SOAT1: variants seen among roughly 807,000 people sequenced by gnomAD.
The protein encoded by SOAT1 is sterol O-acyltransferase 1.
In SOAT1, 55 loss-of-function variants were observed where a neutral mutation model predicts 69.5. The ratio of observed to expected loss-of-function variants is 0.79; its 90% confidence interval spans 0.64 to 0.99. The LOEUF (loss-of-function observed/expected upper bound fraction) is 0.99, where lower values mean the gene tolerates loss of function less well. Among genes scored for constraint, SOAT1 ranks in the 50% least tolerant of loss-of-function variants. The pLI is 0.00. For missense variants in SOAT1, 580 were observed against 669.3 expected, an observed-to-expected ratio of 0.87 and a Z score of 1.47; for synonymous variants, 231 against 224.7, an observed-to-expected ratio of 1.03 and a Z score of -0.25.
intron 3 of SOAT1, among the ~76,000 whole-genome samples, chr1:179,324,218 G>T (rs767985884): frequency 3.3e-5 from 5 of 152,094 alleles, no homozygotes; most frequent in Non-Finnish European, 7.4e-5. Flanking sequence ...AAATATTTTT[G>T]TAATCATATT....
intron 3 of SOAT1, among the ~76,000 whole-genome samples, chr1:179,333,434 G>T (rs1666036907): frequency 6.6e-6 from 1 of 151,904 alleles, no homozygotes; most frequent in African/African-American, 2.4e-5. Flanking sequence ...GGGCACAGTG[G>T]CTCACACCTG....
intron 3 of SOAT1, among the ~76,000 whole-genome samples, chr1:179,324,259 C>A (rs1665704498): frequency 6.6e-6 from 1 of 152,270 alleles, no homozygotes; most frequent in East Asian, 1.9e-4. Flanking sequence ...TATTTATACT[C>A]ACTTTGATGT....
Position 179,293,861 on chromosome 1 carries a change from C to G in SOAT1, c.-84C>G, listed in dbSNP as rs1365633296. On this transcript the variant is annotated 5_prime_UTR_variant, in exon 1 of 16. Transcript: ENST00000367619. ...AGGAGAGCTTCCCGGAGTCGACCTTCCTGCTGGCTGCTCTGTGACCGCTTC... is the reference window on the plus strand; with the variant it reads ...AGGAGAGCTTCCCGGAGTCGACCTTGCTGCTGGCTGCTCTGTGACCGCTTC... 1 of 152,612 alleles carries G rather than the reference C, an allele frequency of 6.6e-6. No individual in the cohort carries two copies. Among genetic ancestry groups the G allele is most frequent in the Non-Finnish European group, 1.5e-5 (1 of 68,248 alleles). 9.5% of individuals were successfully genotyped at this position (152,612 alleles called of 1,614,324 possible).
chr1:179,315,749 C>T (rs904180277), intron 2 of SOAT1, among the ~76,000 whole-genome samples: 6 of 152,024 alleles, frequency 3.9e-5, no homozygotes, highest in African/African-American at 1.4e-4. Flanking sequence ...TGATGGCTGT[C>T]GTGTTATTTA....
intron 3 of SOAT1, among the ~76,000 whole-genome samples, chr1:179,333,410 A>AAAG (rs60000181): frequency 6.6e-6 from 1 of 151,150 alleles, no homozygotes; most frequent in Non-Finnish European, 1.5e-5. Context: ...AAAAAAAAAA[A>AAAG]CAAAGTCTTG....
chr1:179,311,453 G>C (rs1200605676), intron 2 of SOAT1, among the ~76,000 whole-genome samples: 1 of 152,162 alleles, frequency 6.6e-6, no homozygotes, highest in African/African-American at 2.4e-5. Context: ...GCAGAAATGG[G>C]TGGAAACTAT....
Position 179,309,883 on chromosome 1 carries a change from T to G in SOAT1, c.118+7081T>G, listed in dbSNP as rs1364514843. Among the ~76,000 whole-genome samples, 8 of 152,082 alleles carry G rather than the reference T, an allele frequency of 5.3e-5. No homozygotes were observed. The East Asian group carries it at 1.4e-3, about 26-fold the overall frequency. Reference sequence around the variant, plus strand: ...ATTGTTATAATTTTTTTTTTGTTTGTTTTTGTTTTTATTTTTGTTTTTGTT... The same window carrying G: ...ATTGTTATAATTTTTTTTTTGTTTGGTTTTGTTTTTATTTTTGTTTTTGTT... On this transcript the variant is annotated intron_variant, in intron 2 of 15. Coordinates refer to ENST00000367619, the MANE Select transcript of SOAT1 (RefSeq NM_003101.6).
At chr1:179,349,940 A>T (rs942433292) in intron 13 of SOAT1, among the ~76,000 whole-genome samples, 1 of 152,178 alleles carries the variant, frequency 6.6e-6, no homozygotes, top group Non-Finnish European at 1.5e-5. Context: ...TAGTTTTGTT[A>T]TGTGTAAAAA....
chr1:179,356,211 A>G lies in SOAT1; in HGVS notation c.*2570A>G, dbSNP rs1314474947. The G allele has an allele frequency of 6.6e-6, 1 of 152,214 alleles. No individual in the cohort carries two copies. Among genetic ancestry groups the G allele is most frequent in the East Asian group, 1.9e-4 (1 of 5,202 alleles). The allele number at this position is 152,214 out of a possible 1,614,324, so 9.4% of individuals were successfully genotyped here. Reference sequence around the variant, plus strand: ...TTTTGTTTCTGTAAGATGTAATGATAGTAACTATTATTTTGGGCATATTAA... The same window carrying G: ...TTTTGTTTCTGTAAGATGTAATGATGGTAACTATTATTTTGGGCATATTAA... On this transcript the variant is annotated 3_prime_UTR_variant, in exon 16 of 16. Coordinates refer to ENST00000367619, the MANE Select transcript of SOAT1 (RefSeq NM_003101.6).
chr1:179,335,747 C>A, intron 4 of SOAT1, 90 bp downstream of exon 4: 1 of 1,252,380 alleles, frequency 8.0e-7, no homozygotes, highest in Non-Finnish European at 1.1e-6. Context: ...CTTGAGTTCA[C>A]ACCCTGGTGT....
chr1:179,335,031 A>G (rs1666100690), intron 3 of SOAT1, among the ~76,000 whole-genome samples: 1 of 151,622 alleles, frequency 6.6e-6, no homozygotes, highest in Non-Finnish European at 1.5e-5. Flanking sequence ...AAAAAAAAAA[A>G]AAAAAAGAAA....
intron 15 of SOAT1, among the ~76,000 whole-genome samples, 153 bp downstream of exon 15, chr1:179,351,615 T>C (rs185431453): frequency 4.6e-5 from 7 of 152,300 alleles, no homozygotes; most frequent in Admixed American, 4.6e-4. Flanking sequence ...GTTTATCATC[T>C]GATCTTATTG....
At chr1:179,299,899 G>A (rs1282221742) in intron 1 of SOAT1, among the ~76,000 whole-genome samples, 1 of 150,222 alleles carries the variant, frequency 6.7e-6, no homozygotes, top group Admixed American at 6.6e-5. Flanking sequence ...GACTACAGGC[G>A]CCTGCCCCCA....
chr1:179,342,583 A>T (rs888172743), intron 8 of SOAT1, among the ~76,000 whole-genome samples: 4 of 152,132 alleles, frequency 2.6e-5, no homozygotes, highest in African/African-American at 9.7e-5. Context: ...TTTTTATGGA[A>T]TGTTAATAGC....
intron 2 of SOAT1, among the ~76,000 whole-genome samples, chr1:179,316,477 A>G (rs868576239): frequency 3.5e-4 from 53 of 151,752 alleles, no homozygotes; most frequent in African/African-American, 1.1e-3. Context: ...GCTCACCGCA[A>G]CCTCCACCTC....
chr1:179,313,092 T>C (rs2124949520), intron 2 of SOAT1, among the ~76,000 whole-genome samples: 1 of 152,316 alleles, frequency 6.6e-6, no homozygotes, highest in South Asian at 2.1e-4. Context: ...TAAAAAATAA[T>C]GTGTGTGTAC....
At chr1:179,348,289 A>C (rs60890328) in intron 12 of SOAT1, among the ~76,000 whole-genome samples, 17,378 of 152,148 alleles carry the variant, frequency 0.11, 1,580 homozygotes, top group African/African-American at 0.25. Context: ...TCTCAAAGAA[A>C]CTTTAAGTGT....
rs138324859 is a variant in SOAT1 at position 179,298,146 on chromosome 1, G to A, written c.-9+4210G>A. On this transcript the variant is annotated intron_variant, in intron 1 of 15. Coordinates refer to ENST00000367619, the MANE Select transcript of SOAT1 (RefSeq NM_003101.6). The stretch of plus-strand genomic sequence containing the variant: ...CTTGATCTAACTTGAGTGCAATGGT[G>A]TGATTGAGGTTCACTGCAACCTCCA... Among the ~76,000 whole-genome samples, 469 of 150,532 alleles carry A rather than the reference G, an allele frequency of 3.1e-3. 2 individuals are homozygous for A. The highest frequency in any genetic ancestry group is 0.011 in the African/African-American group (444 of 40,934).
intron 2 of SOAT1, among the ~76,000 whole-genome samples, chr1:179,311,579 T>A (rs1204778078): frequency 3.3e-5 from 4 of 121,980 alleles, no homozygotes; most frequent in Admixed American, 1.0e-4. Flanking sequence ...GGACTGTTTT[T>A]AAAAAAAAAA....
Sources: gnomAD v4.1 joint callset for allele counts (sites outside exome capture counted in the v4.1 genomes callset) on GRCh38, gnomAD v4.1.1 for gene constraint, MANE v1.5 for transcripts, NCBI Gene and HGNC (gene_info 2026-07-23, HGNC 2026-07-21) for gene names.